DCC: variants seen among roughly 807,000 people sequenced by gnomAD.
DCC encodes DCC netrin 1 receptor.
Under a neutral mutation model 172.5 loss-of-function variants are expected in DCC, and 58 were observed. That is an observed-to-expected ratio of 0.34 (90% CI 0.27 to 0.42). DCC has a LOEUF of 0.42. Ranked by LOEUF, DCC falls within the 10% of genes least tolerant of loss-of-function variation. The pLI, the probability that DCC is intolerant of heterozygous loss-of-function variation, is 1.00. For missense variants in DCC, 1,740 were observed against 1,791.0 expected, an observed-to-expected ratio of 0.97 and a Z score of 0.51; for synonymous variants, 709 against 644.5, an observed-to-expected ratio of 1.10 and a Z score of -1.52.
chr18:52,360,884 A>G (rs562720702), intron 1 of DCC, among the ~76,000 whole-genome samples: 2 of 152,352 alleles, frequency 1.3e-5, no homozygotes, highest in South Asian at 4.1e-4. Context: ...TGCTAGTAAG[A>G]ATGCATTGTT....
intron 7 of DCC, among the ~76,000 whole-genome samples, chr18:53,120,965 T>C (rs751686249): frequency 6.6e-5 from 10 of 151,940 alleles, no homozygotes; most frequent in Admixed American, 4.6e-4. Flanking sequence ...ATGGAATTAT[T>C]ACCCTGATGT....
chr18:52,588,310 G>A (rs1469057626), intron 1 of DCC, among the ~76,000 whole-genome samples: 1 of 152,142 alleles, frequency 6.6e-6, no homozygotes, highest in Admixed American at 6.5e-5. Flanking sequence ...GGCCCAAGTG[G>A]CAGAGCAGGT....
intron 12 of DCC, among the ~76,000 whole-genome samples, chr18:53,248,139 T>A (rs988630079): frequency 6.6e-6 from 1 of 152,036 alleles, no homozygotes; most frequent in African/African-American, 2.4e-5. Context: ...ATATATGAAC[T>A]GTTTGTTGAC....
intron 2 of DCC, among the ~76,000 whole-genome samples, chr18:52,894,232 C>T (rs1321008362): frequency 3.9e-5 from 6 of 151,996 alleles, no homozygotes; most frequent in South Asian, 2.1e-4. Flanking sequence ...TGTCACAGTG[C>T]GCTATGCTAT....
chr18:53,127,115 C>T (rs1055252792), intron 7 of DCC, among the ~76,000 whole-genome samples: 3 of 147,884 alleles, frequency 2.0e-5, no homozygotes, highest in Non-Finnish European at 4.5e-5. Flanking sequence ...CCCTAAAATA[C>T]GAGACTAGCT....
At chr18:52,796,166 T>C (rs1025324253) in intron 2 of DCC, among the ~76,000 whole-genome samples, 3 of 151,822 alleles carry the variant, frequency 2.0e-5, no homozygotes, top group African/African-American at 4.8e-5. Context: ...TTCTTATCGG[T>C]GGCATATAGC....
intron 2 of DCC, among the ~76,000 whole-genome samples, chr18:52,807,746 A>ACTCTACTG (rs79545331): frequency 0.022 from 3,389 of 152,280 alleles, 55 homozygotes; most frequent in Middle Eastern, 0.075. Flanking sequence ...ATTTTTACCA[A>ACTCTACTG]CTCTACTGCA....
chr18:53,242,612 T>C (rs1460323588), intron 12 of DCC, among the ~76,000 whole-genome samples: 1 of 152,162 alleles, frequency 6.6e-6, no homozygotes, highest in Non-Finnish European at 1.5e-5. Context: ...AACCCTATCA[T>C]GATAGTATCT....
chr18:53,320,751 T>G (rs2057401877), intron 13 of DCC, among the ~76,000 whole-genome samples: 1 of 152,320 alleles, frequency 6.6e-6, no homozygotes, highest in African/African-American at 2.4e-5. Flanking sequence ...TTGTTTTGTG[T>G]GTGCATCTTC....
At chr18:52,890,049 C>T (rs1568170426) in intron 2 of DCC, among the ~76,000 whole-genome samples, 1 of 151,996 alleles carries the variant, frequency 6.6e-6, no homozygotes, top group Non-Finnish European at 1.5e-5. Context: ...GTATCTGTAC[C>T]AATAAATAGC....
intron 2 of DCC, among the ~76,000 whole-genome samples, chr18:52,808,250 A>G (rs967328382): frequency 2.6e-5 from 4 of 152,218 alleles, no homozygotes; most frequent in African/African-American, 9.6e-5. Flanking sequence ...TTTTTGAATC[A>G]GAATTATTAG....
chr18:52,825,866 A>G (rs1222993332), intron 2 of DCC, among the ~76,000 whole-genome samples: 2 of 152,214 alleles, frequency 1.3e-5, no homozygotes, highest in Non-Finnish European at 2.9e-5. Context: ...TTTCAAATGC[A>G]TGCCCAGGAG....
At position 53,468,057 on chromosome 18, in the gene DCC, A is replaced by G. The variant is rs748870852; in HGVS notation, c.3736+47A>G. On this transcript the variant is annotated intron_variant, in intron 25 of 28. Transcript: ENST00000442544. ...AATGAAGAAATGAAATGCTTTCTGT[A>G]TGTATCTTTTCTATAAAAAATCAAA... 6.6e-6 allele frequency: 6 copies of G among 915,174 alleles called. No individual in the cohort carries two copies. In the South Asian group the frequency reaches 7.8e-5, roughly 12 times the overall value. 56.7% of individuals were successfully genotyped at this position (915,174 alleles called of 1,614,324 possible). A position where few individuals can be genotyped will look rare whatever the true frequency, so the allele number is the denominator to read the frequency against.
intron 1 of DCC, among the ~76,000 whole-genome samples, chr18:52,691,156 G>A (rs1267515074): frequency 6.6e-6 from 1 of 152,148 alleles, no homozygotes; most frequent in Non-Finnish European, 1.5e-5. Context: ...GAAAGCTGTT[G>A]TTGCCCATAG....
intron 7 of DCC, among the ~76,000 whole-genome samples, chr18:53,141,555 T>C (rs2043830750): frequency 6.6e-6 from 1 of 152,192 alleles, no homozygotes; most frequent in African/African-American, 2.4e-5. Flanking sequence ...TGATCTGTGA[T>C]CATTTTACCC....
At chr18:53,359,986 C>T (rs559572039) in intron 15 of DCC, among the ~76,000 whole-genome samples, 5 of 152,026 alleles carry the variant, frequency 3.3e-5, no homozygotes, top group South Asian at 2.1e-4. Flanking sequence ...TAGTCATGTC[C>T]GGGCATTTAA....
In DCC at chr18:53,307,321, T is replaced by C. The variant is rs370735404; in HGVS notation, c.2053+1602T>C. Among the ~76,000 whole-genome samples the C allele has an allele frequency of 1.1e-3, 161 of 152,278 alleles. 2 individuals carry two copies. Among genetic ancestry groups the C allele is most frequent in the East Asian group, 3.5e-3 (18 of 5,180 alleles). ...TGTTTTTCTTTTTCCCCTGACAAAA[T>C]AATGGGGAAGATGGTAAAAATAATC... is the stretch of plus-strand genomic sequence containing the variant. On this transcript the variant is annotated intron_variant, in intron 13 of 28. Coordinates refer to ENST00000442544, the MANE Select transcript of DCC (RefSeq NM_005215.4).
intron 1 of DCC, among the ~76,000 whole-genome samples, chr18:52,611,818 T>C (rs1234871046): frequency 3.3e-5 from 5 of 152,178 alleles, no homozygotes; most frequent in Non-Finnish European, 7.3e-5. Context: ...TGGTTTATAA[T>C]GGGTACTCAG....
At chr18:53,256,250 G>A (rs2056511982) in intron 12 of DCC, among the ~76,000 whole-genome samples, 1 of 152,144 alleles carries the variant, frequency 6.6e-6, no homozygotes, top group Non-Finnish European at 1.5e-5. Context: ...GGCTTTTGTT[G>A]CCATTGCTTT....
Sources: gnomAD v4.1 joint callset for allele counts (sites outside exome capture counted in the v4.1 genomes callset) on GRCh38, gnomAD v4.1.1 for gene constraint, MANE v1.5 for transcripts, NCBI Gene and HGNC (gene_info 2026-07-23, HGNC 2026-07-21) for gene names.